The following IL34 variants were observed in gnomAD, a reference collection of about 807,000 sequenced individuals.
The protein encoded by IL34 is interleukin-34.
A neutral mutation model predicts 25.3 loss-of-function variants in IL34; 17 were observed. The ratio of observed to expected loss-of-function variants is 0.67; its 90% CI spans 0.46 to 1.01. The LOEUF is 1.01. Ranked by LOEUF, IL34 falls within the 50% of genes least tolerant of loss-of-function variation. IL34 has a pLI of 0.00. For missense variants in IL34, 368 were observed against 312.9 expected (o/e 1.18, Z -1.33); for synonymous variants, 174 against 140.9 (o/e 1.23, Z -1.66).
chr16:70,652,960 T>A (rs1041166090), intron 1 of IL34, among the ~76,000 whole-genome samples: 3 of 152,112 alleles, frequency 2.0e-5, no homozygotes, highest in African/African-American at 7.2e-5. Flanking sequence ...ATCCAGCACT[T>A]TGGGAGGCAG....
intron 1 of IL34, among the ~76,000 whole-genome samples, chr16:70,594,810 G>A (rs1484504499): frequency 5.3e-5 from 8 of 152,098 alleles, no homozygotes; most frequent in Non-Finnish European, 1.0e-4. Context: ...CAAGCCAGTG[G>A]GTACAGATGA....
chr16:70,627,363 A>G (rs2051416557), intron 1 of IL34, among the ~76,000 whole-genome samples: 1 of 152,066 alleles, frequency 6.6e-6, no homozygotes, highest in South Asian at 2.1e-4. Context: ...ACCAGCGTGT[A>G]GAAGCCCCCC....
chr16:70,597,600 G>A (rs74026085), intron 1 of IL34, among the ~76,000 whole-genome samples: 16,317 of 152,192 alleles, frequency 0.11, 2,132 homozygotes, highest in African/African-American at 0.29. Context: ...GGAGTATTTT[G>A]TCAATGAACA....
In IL34 at chr16:70,657,064, C is replaced by T; in HGVS notation, c.345C>T (p.Ser115=). ...VQDVLLEGHP[S]WKYLQEVETL... is the part of the protein sequence containing the mutation. ...ACGTGCTGCTCGAGGGCCACCCATCCTGGAAGTACCTGCAGGAGGTGGAGA... is the reference window on the plus strand; with the variant it reads ...ACGTGCTGCTCGAGGGCCACCCATCTTGGAAGTACCTGCAGGAGGTGGAGA... Residue 115 remains serine (S), a synonymous_variant, in exon 4 of 6, where the codon TCC becomes TCT. Coordinates refer to ENST00000288098, the MANE Select transcript of IL34 (RefSeq NM_001393494.1). The T allele has an allele frequency of 6.2e-7, 1 of 1,613,098 alleles. No individual in the cohort carries two copies. Among genetic ancestry groups the T allele is most frequent in the African/African-American group, 1.3e-5 (1 of 74,982 alleles).
At chr16:70,650,061 A>C (rs1030299647) in intron 1 of IL34, among the ~76,000 whole-genome samples, 3 of 152,094 alleles carry the variant, frequency 2.0e-5, no homozygotes, top group African/African-American at 4.8e-5. Context: ...GGCCTTCCAA[A>C]GTGCTGGGAT....
chr16:70,639,219 G>T (rs1179170608), intron 1 of IL34, among the ~76,000 whole-genome samples: 3 of 152,158 alleles, frequency 2.0e-5, no homozygotes, highest in Non-Finnish European at 4.4e-5. Context: ...GAGTGTATTT[G>T]ATCAAATTCA....
intron 1 of IL34, among the ~76,000 whole-genome samples, chr16:70,609,637 G>C (rs1388287777): frequency 6.6e-6 from 1 of 152,210 alleles, no homozygotes; most frequent in Non-Finnish European, 1.5e-5. Flanking sequence ...CCAGAGACAG[G>C]TGCACTGAGG....
chr16:70,654,473 C>G, intron 1 of IL34, 65 bp from the exon 2 acceptor site: 1 of 1,523,430 alleles, frequency 6.6e-7, no homozygotes, highest in Non-Finnish European at 8.9e-7. Flanking sequence ...CTCGGCTTTG[C>G]GTGTTGTGGA....
chr16:70,610,883 G>C (rs536210625), intron 1 of IL34, among the ~76,000 whole-genome samples: 22 of 152,338 alleles, frequency 1.4e-4, no homozygotes, highest in Middle Eastern at 3.4e-3. Context: ...TCTGAGGGCA[G>C]ATTCCAAGAT....
At chr16:70,638,443 AAAT>A (rs2051705953) in intron 1 of IL34, among the ~76,000 whole-genome samples, 1 of 152,060 alleles carries the variant, frequency 6.6e-6, no homozygotes, top group African/African-American at 2.4e-5. Flanking sequence ...TCAAAAAAAA[AAAT>A]AAAGAAAAAA....
chr16:70,631,339 G>C (rs1226948459), intron 1 of IL34, among the ~76,000 whole-genome samples: 5 of 152,168 alleles, frequency 3.3e-5, no homozygotes, highest in Admixed American at 6.5e-5. Flanking sequence ...GATTCTCTTC[G>C]AGAAACCCAG....
chr16:70,597,922 C>T (rs548644492), intron 1 of IL34, among the ~76,000 whole-genome samples: 2 of 152,198 alleles, frequency 1.3e-5, no homozygotes, highest in Admixed American at 1.3e-4. Context: ...ACTGTAACCT[C>T]TGCCTCCTGA....
chr16:70,617,039 A>G (rs2051183839), intron 1 of IL34, among the ~76,000 whole-genome samples: 1 of 152,032 alleles, frequency 6.6e-6, no homozygotes, highest in Admixed American at 6.6e-5. Flanking sequence ...TTCAAGCAGG[A>G]TTAGGGGTGG....
rs1597782225 is a variant in IL34 at position 70,656,215 on chromosome 16, G to A, written c.163-387G>A. Among the ~76,000 whole-genome samples the A allele has an allele frequency of 4.6e-5, 7 of 152,256 alleles. 1 individual carries two copies. In the South Asian group the frequency reaches 1.2e-3, roughly 27 times the overall value. On this transcript the variant is annotated intron_variant, in intron 2 of 5. Transcript: ENST00000288098. ...GACCACCTCTGCCGTCAAAGGTCTG[G>A]GCCCTGAGTTCTCTCCTCCTACATC...
chr16:70,647,564 C>A (rs1027941348), intron 1 of IL34, among the ~76,000 whole-genome samples: 5 of 152,202 alleles, frequency 3.3e-5, no homozygotes, highest in Non-Finnish European at 5.9e-5. Flanking sequence ...GAGGCCAGAC[C>A]AAGATCCCCT....
intron 1 of IL34, among the ~76,000 whole-genome samples, chr16:70,614,753 A>G (rs74024410): frequency 0.015 from 2,259 of 152,308 alleles, 62 homozygotes; most frequent in African/African-American, 0.052. Context: ...CATTTCTGGC[A>G]AGTGTCAGTG....
At chr16:70,621,051 T>C (rs979896331) in intron 1 of IL34, among the ~76,000 whole-genome samples, 1 of 151,708 alleles carries the variant, frequency 6.6e-6, no homozygotes, top group African/African-American at 2.4e-5. Flanking sequence ...AGATAAGAGT[T>C]TGGGTGTGGA....
At chr16:70,639,927 CAGCCTGGGTGACAAAGGG>C (rs2051742188) in intron 1 of IL34, among the ~76,000 whole-genome samples, 1 of 151,988 alleles carries the variant, frequency 6.6e-6, no homozygotes, top group African/African-American at 2.4e-5. Flanking sequence ...CTCTGCACTC[CAGCCTGGGTGACAAAGGG>C]AGACCCTGTC....
intron 1 of IL34, among the ~76,000 whole-genome samples, chr16:70,586,090 C>G (rs1274785771): frequency 1.2e-4 from 19 of 152,164 alleles, no homozygotes; most frequent in Admixed American, 1.2e-3. Flanking sequence ...CTTTGGCCTC[C>G]CAAAGTGCTG....
Sources: allele counts gnomAD v4.1 joint callset (sites outside exome capture counted in the v4.1 genomes callset), GRCh38; gene constraint gnomAD v4.1.1; transcripts MANE v1.5; gene names NCBI Gene and HGNC (gene_info 2026-07-23, HGNC 2026-07-21).